The following CES1 variants were observed in gnomAD, a reference collection of about 807,000 sequenced individuals.
CES1 encodes the protein liver carboxylesterase 1.
Under a neutral mutation model 53.0 loss-of-function variants are expected in CES1, and 50 were observed. The observed-to-expected ratio is 0.94, with a 90% confidence interval of 0.75 to 1.19. The LOEUF (loss-of-function observed/expected upper bound fraction) is 1.19, where lower values mean the gene tolerates loss of function less well. Ranked by LOEUF, CES1 falls within the 50% of genes most tolerant of loss-of-function variation. The pLI is 0.00. For synonymous variants in CES1, 202 were observed against 210.1 expected, an observed-to-expected ratio of 0.96 and a Z score of 0.33; for missense variants, 534 against 538.0, an observed-to-expected ratio of 0.99 and a Z score of 0.07.
At chr16:55,811,271 T>TGG (rs1298896105) in intron 9 of CES1, among the ~76,000 whole-genome samples, 1 of 150,530 alleles carries the variant, frequency 6.6e-6, no homozygotes, top group African/African-American at 2.5e-5. Flanking sequence ...GCAGTGTGTG[T>TGG]GTGTGCGCGC....
intron 11 of CES1, among the ~76,000 whole-genome samples, chr16:55,809,093 CAAA>C (rs376932562): frequency 6.8e-4 from 49 of 72,050 alleles, no homozygotes; most frequent in South Asian, 3.2e-3. Context: ...GTAGTCCTGG[CAAA>C]AAAAAAAAAA....
intron 11 of CES1, among the ~76,000 whole-genome samples, chr16:55,810,003 C>T (rs2142312211): frequency 6.6e-6 from 1 of 152,328 alleles, no homozygotes; most frequent in African/African-American, 2.4e-5. Context: ...GGCCTGAGGC[C>T]TTTGTCTGGT....
intron 9 of CES1, 77 bp downstream of exon 9, chr16:55,812,826 G>C: frequency 6.3e-7 from 1 of 1,592,652 alleles, no homozygotes; most frequent in Non-Finnish European, 8.6e-7. Flanking sequence ...GCTCGGAGAG[G>C]GAAGCATTCC....
In CES1 at chr16:55,822,783, T is replaced by C. The variant is rs115037734; in HGVS notation, c.539+767A>G. Among the ~76,000 whole-genome samples, 1,016 of 152,016 alleles carry C rather than the reference T, an allele frequency of 6.7e-3. 13 individuals carry two copies. The highest frequency in any genetic ancestry group is 0.023 in the African/African-American group (966 of 41,396). On this transcript the variant is annotated intron_variant, in intron 4 of 13. Coordinates refer to ENST00000360526, the MANE Select transcript of CES1 (RefSeq NM_001025195.2). ...AAGGAAGCATGTCACAGAGGCTGAGTGGCCATCTGCTGCTGCTGGGAAGTC... is the reference window on the plus strand; with the variant it reads ...AAGGAAGCATGTCACAGAGGCTGAGCGGCCATCTGCTGCTGCTGGGAAGTC...
chr16:55,833,036 A>G lies in CES1; in HGVS notation c.20T>C (p.Ile7Thr). 2 of 1,556,282 alleles carry G rather than the reference A, an allele frequency of 1.3e-6. No homozygotes were observed. The highest frequency in any genetic ancestry group is 1.8e-6 in the Non-Finnish European group (2 of 1,138,316). The change falls in exon 1 of 14, where the codon ATC (isoleucine) becomes ACC (threonine). Residue 7 changes from isoleucine (I) to threonine (T), a missense_variant. Around this residue, in one of 5 missense-constraint regions of CES1, gnomAD observed 164 missense variants for 162.4 expected, o/e 1.01. Coordinates refer to ENST00000360526, the MANE Select transcript of CES1 (RefSeq NM_001025195.2). MWLRAFILATLSASAAW... is the reference protein window; with the variant it reads MWLRAFTLATLSASAAW... ...CGCGGAAGCAGAGAGAGTGGCCAGG[A>G]TAAAGGCACGGAGCCACATCGTGGA...
In CES1 at chr16:55,821,487, G is replaced by T. The variant is rs1338690129; in HGVS notation, c.574C>A (p.His192Asn). 4.3e-6 allele frequency: 7 copies of T among 1,614,086 alleles called. No individual in the cohort carries two copies. The highest frequency in any genetic ancestry group is 1.7e-5 in the Admixed American group (1 of 60,000). Reference protein sequence around the residue: ...GDEHSRGNWGHLDQVAALRWV... With the variant: ...GDEHSRGNWGNLDQVAALRWV... ...CGCAGGGCAGCCACCTGGTCCAGGT[G>T]ACCCCAGTTCCCCCGGCTGTGTTCA... is the stretch of plus-strand genomic sequence containing the variant. Residue 192 changes from histidine (H) to asparagine (N), a missense_variant, in exon 5 of 14, where the codon CAC becomes AAC. Coordinates refer to ENST00000360526, the MANE Select transcript of CES1 (RefSeq NM_001025195.2).
chr16:55,809,056 C>A (rs566720325), intron 11 of CES1, among the ~76,000 whole-genome samples: 7 of 44,612 alleles, frequency 1.6e-4, no homozygotes, highest in Admixed American at 3.1e-4. Flanking sequence ...AGTGAGACAA[C>A]AATAAGTGAA....
intron 3 of CES1, among the ~76,000 whole-genome samples, chr16:55,825,583 C>A (rs569840570): frequency 6.6e-6 from 1 of 152,378 alleles, no homozygotes; most frequent in African/African-American, 2.4e-5. Flanking sequence ...GCTCCGCCCC[C>A]AACATCCGTA....
chr16:55,826,145 A>G lies in CES1; in HGVS notation c.405+6T>C, dbSNP rs774683041. The G allele has an allele frequency of 4.4e-4, 703 of 1,612,352 alleles. No homozygotes were observed. Among genetic ancestry groups the G allele is most frequent in the Admixed American group, 8.7e-4 (52 of 59,998 alleles). ...CACGCCTTGACCAGGGGGTCCCACA[A>G]CTTACCGGCAGCCTGTTTTTCTTGG... is the stretch of plus-strand genomic sequence containing the variant. On this transcript the variant is annotated splice_donor_region_variant and intron_variant, in intron 3 of 13. Transcript: ENST00000360526.
At position 55,816,996 on chromosome 16, in the gene CES1, G is replaced by A. The variant is rs374292616; in HGVS notation, c.907-34C>T. On this transcript the variant is annotated intron_variant, in intron 7 of 13. Coordinates refer to ENST00000360526, the MANE Select transcript of CES1 (RefSeq NM_001025195.2). Reference sequence around the variant, plus strand: ...ACAAAGGCAGAGGATGTGGGTGAGAGGCTTACCAGGAGAACACTGAGCTGG... The same window carrying A: ...ACAAAGGCAGAGGATGTGGGTGAGAAGCTTACCAGGAGAACACTGAGCTGG... 261 of 1,613,232 alleles carry A rather than the reference G, an allele frequency of 1.6e-4. No individual in the cohort carries two copies. In the Middle Eastern group the frequency reaches 3.8e-3, roughly 23 times the overall value.
At chr16:55,811,043 T>C (rs2031675131) in intron 9 of CES1, 33 bp from the exon 10 acceptor site, 1 of 1,532,432 alleles carries the variant, frequency 6.5e-7, no homozygotes, top group Non-Finnish European at 9.0e-7. Context: ...CATTTATGAA[T>C]CATTGGGAAT....
intron 1 of CES1, among the ~76,000 whole-genome samples, chr16:55,832,674 C>G (rs116820974): frequency 1.3e-5 from 2 of 152,286 alleles, no homozygotes; most frequent in Non-Finnish European, 2.9e-5. Flanking sequence ...TTGAGCCGCT[C>G]TCCGTGATCC....
chr16:55,827,157 T>A (rs1290156537), intron 2 of CES1, among the ~76,000 whole-genome samples: 4 of 152,010 alleles, frequency 2.6e-5, no homozygotes, highest in African/African-American at 7.3e-5. Context: ...ATGAGGAAAC[T>A]GAGGCACTCA....
In CES1 at chr16:55,810,589, C is replaced by T. The variant is rs2031642842; in HGVS notation, c.1246G>A (p.Asp416Asn). 1 of 1,614,174 alleles carries T rather than the reference C, an allele frequency of 6.2e-7. No individual in the cohort carries two copies. The highest frequency in any genetic ancestry group is 8.5e-7 in the Non-Finnish European group (1 of 1,180,024). Residue 416 changes from aspartate to asparagine, a missense_variant, in exon 11 of 14, where the codon GAC becomes AAC. Asp to Asn is a conservative substitution (Grantham distance 23, BLOSUM62 1). Transcript: ENST00000360526. ...TCTGCTATCAAGTCCAGGAACAGGT[C>T]TTTCTTTTTGACAGTGTCGTCTGTT... Reference protein sequence around the residue: ...GGTDDTVKKKDLFLDLIADVM... With the variant: ...GGTDDTVKKKNLFLDLIADVM...
chr16:55,819,575 T>G lies in CES1; in HGVS notation c.866A>C (p.Gln289Pro). The G allele has an allele frequency of 6.2e-7, 1 of 1,614,188 alleles. No individual in the cohort carries two copies. Among genetic ancestry groups the G allele is most frequent in the Non-Finnish European group, 8.5e-7 (1 of 1,180,020 alleles). The change falls in exon 7 of 14, where the codon CAG becomes CCG. Residue 289 changes from glutamine (Q) to proline (P), a missense_variant. Gln to Pro is a moderately conservative substitution (Grantham distance 76). Coordinates refer to ENST00000360526, the MANE Select transcript of CES1 (RefSeq NM_001025195.2). The part of the protein sequence containing the change: ...TSAVMVHCLR[Q>P]KTEEELLETT... Reference sequence around the variant, plus strand: ...CTCCAAGAGCTCCTCTTCCGTCTTCTGTCGCAGGCAGTGAACCATGACAGC... The same window carrying G: ...CTCCAAGAGCTCCTCTTCCGTCTTCGGTCGCAGGCAGTGAACCATGACAGC...
chr16:55,809,642 C>T (rs1235309296), intron 11 of CES1, among the ~76,000 whole-genome samples: 8 of 152,182 alleles, frequency 5.3e-5, no homozygotes, highest in East Asian at 1.9e-4. Flanking sequence ...TGCTACTGCA[C>T]GCACTGAGAT....
intron 9 of CES1, among the ~76,000 whole-genome samples, chr16:55,811,337 T>G (rs1183969930): frequency 1.3e-5 from 2 of 151,940 alleles, no homozygotes; most frequent in Non-Finnish European, 2.9e-5. Context: ...GACATGGAGA[T>G]GCAAGGTGTC....
chr16:55,814,782 A>T (rs1402674905), intron 8 of CES1, among the ~76,000 whole-genome samples: 11 of 152,238 alleles, frequency 7.2e-5, no homozygotes, highest in Admixed American at 6.5e-4. Flanking sequence ...ACAAAAGCCA[A>T]TGAATGACGA....
At chr16:55,827,382 T>G (rs1385816295) in intron 2 of CES1, among the ~76,000 whole-genome samples, 1 of 151,588 alleles carries the variant, frequency 6.6e-6, no homozygotes, top group East Asian at 1.9e-4. Flanking sequence ...GAAAATAATA[T>G]TGCTGGTATT....
Sources: gnomAD v4.1 joint callset for allele counts (sites outside exome capture counted in the v4.1 genomes callset) on GRCh38, gnomAD v4.1.1 for gene constraint, gnomAD v4.1.1 regional missense constraint, MANE v1.5 for transcripts, NCBI Gene and HGNC (gene_info 2026-07-23, HGNC 2026-07-21) for gene names.